Variants in SRPK2 observed in about 807,000 individuals in gnomAD.
The protein encoded by SRPK2 is SRSF protein kinase 2.
A neutral mutation model predicts 90.8 loss-of-function variants in SRPK2; 21 were observed. The observed-to-expected ratio is 0.23, with a 90% confidence interval of 0.16 to 0.33. The LOEUF is 0.33. SRPK2 is among the 10% of genes least tolerant of loss of function. The probability of loss-of-function intolerance (pLI) is 1.00; values close to 1 mark genes in which losing one functional copy is unlikely to be tolerated. For missense variants in SRPK2, 620 were observed against 869.0 expected (o/e 0.71, Z 3.60); for synonymous variants, 288 against 311.1 (o/e 0.93, Z 0.78).
intron 2 of SRPK2, among the ~76,000 whole-genome samples, chr7:105,351,731 G>C (rs953017329): frequency 3.0e-4 from 45 of 151,506 alleles, no homozygotes; most frequent in Middle Eastern, 3.2e-3. Context: ...TTGAACCCGG[G>C]GGGCGGAGGC....
chr7:105,306,031 C>T (rs1387386387), intron 2 of SRPK2, among the ~76,000 whole-genome samples: 1 of 152,174 alleles, frequency 6.6e-6, no homozygotes, highest in Non-Finnish European at 1.5e-5. Context: ...ATGCCTTCAG[C>T]TTAAAACAAC....
At chr7:105,295,744 A>T (rs183584929) in intron 2 of SRPK2, among the ~76,000 whole-genome samples, 1 of 152,358 alleles carries the variant, frequency 6.6e-6, no homozygotes, top group East Asian at 1.9e-4. Context: ...TGCACACTTC[A>T]AAAATGTGGT....
At position 105,157,371 on chromosome 7, in the gene SRPK2, G is replaced by A. The variant is rs995623539; in HGVS notation, c.621+3136C>T. Among the ~76,000 whole-genome samples the A allele has an allele frequency of 2.8e-4, 42 of 152,174 alleles. 1 individual carries two copies. Among genetic ancestry groups the A allele is most frequent in the Admixed American group, 1.4e-3 (22 of 15,270 alleles). On this transcript the variant is annotated intron_variant, in intron 7 of 15. Coordinates refer to ENST00000393651, the MANE Select transcript of SRPK2 (RefSeq NM_182692.3). ...ATTGGTCTGCTCTGGCTTGTTCTGG[G>A]AAATGATATAACTGTGTCAGTCTGC...
chr7:105,292,323 C>T lies in SRPK2; in HGVS notation c.72-88538G>A, dbSNP rs148472047. 8.2e-3 allele frequency among the ~76,000 whole-genome samples: 1,254 copies of T among 152,090 alleles called. 16 individuals are homozygous for T. The highest frequency in any genetic ancestry group is 0.029 in the African/African-American group (1,217 of 41,490). ...AGGAGTTCGAGACCAGCCTGGCCAG[C>T]ATGGCAAAACCCCATCTCTACAAAA... On this transcript the variant is annotated intron_variant, in intron 2 of 15. Coordinates refer to ENST00000393651, the MANE Select transcript of SRPK2 (RefSeq NM_182692.3).
intron 2 of SRPK2, chr7:105,304,344 T>A (rs1366089216): frequency 6.6e-6 from 1 of 152,232 alleles, no homozygotes; most frequent in African/African-American, 2.4e-5. Context: ...CAAAAATTGA[T>A]TCTAACATCA....
rs753113715 is a variant in SRPK2 at position 105,203,776 on chromosome 7, A to G, written c.81T>C (p.Pro27=). Residue 27 remains proline, a synonymous_variant, in exon 3 of 16, where the codon CCT becomes CCC. Coordinates refer to ENST00000393651, the MANE Select transcript of SRPK2 (RefSeq NM_182692.3). The part of the protein sequence containing the change: ...KREKHPKKPE[P]QQKAPLVPPP... ...GAGGAACTAAAGGAGCTTTCTGTTG[A>G]GGCTCCGGCCTGAAAGAGCAGAGAG... 1 of 1,587,134 alleles carries G rather than the reference A, an allele frequency of 6.3e-7. No homozygotes were observed. Among genetic ancestry groups the G allele is most frequent in the South Asian group, 1.1e-5 (1 of 87,772 alleles).
At chr7:105,167,597 A>G in intron 5 of SRPK2, 133 bp from the exon 6 acceptor site, 1 of 501,412 alleles carries the variant, frequency 2.0e-6, no homozygotes, top group Non-Finnish European at 3.4e-6. Context: ...TAAAAAATAA[A>G]CTTTATTTAT....
At chr7:105,349,023 G>A (rs541656885) in intron 2 of SRPK2, among the ~76,000 whole-genome samples, 1 of 151,552 alleles carries the variant, frequency 6.6e-6, no homozygotes, top group Non-Finnish European at 1.5e-5. Context: ...GCGCTTTCCT[G>A]TAATCCTAGC....
chr7:105,199,634 C>G (rs1044809774), intron 3 of SRPK2, among the ~76,000 whole-genome samples: 17 of 151,942 alleles, frequency 1.1e-4, no homozygotes, highest in Non-Finnish European at 2.4e-4. Flanking sequence ...ATGGGAAGAG[C>G]CCAGACTCTT....
intron 3 of SRPK2, among the ~76,000 whole-genome samples, chr7:105,201,110 C>T (rs1429489667): frequency 2.0e-5 from 3 of 152,020 alleles, no homozygotes; most frequent in African/African-American, 4.8e-5. Context: ...TCTCTTTATC[C>T]AAGAACAAAA....
At chr7:105,179,480 A>T (rs181244847) in intron 3 of SRPK2, among the ~76,000 whole-genome samples, 12 of 152,342 alleles carry the variant, frequency 7.9e-5, no homozygotes, top group African/African-American at 2.9e-4. Context: ...TCACTACAGT[A>T]GCCCAAATAG....
Position 105,295,938 on chromosome 7 carries a change from A to G in SRPK2, c.72-92153T>C, listed in dbSNP as rs574008424. Among the ~76,000 whole-genome samples the G allele has an allele frequency of 3.9e-5, 6 of 152,372 alleles. No homozygotes were observed. The South Asian group carries it at 1.2e-3, about 32-fold the overall frequency. ...CAGTATACAGGATATAAACACTGCT[A>G]GCAAATGAGTTCATGGTTTCTTGAA... On this transcript the variant is annotated intron_variant, in intron 2 of 15. Transcript: ENST00000393651.
chr7:105,388,213 G>A lies in SRPK2; in HGVS notation c.71+435C>T, dbSNP rs559308820. Among the ~76,000 whole-genome samples, 14 of 152,048 alleles carry A rather than the reference G, an allele frequency of 9.2e-5. No individual in the cohort carries two copies. In the South Asian group the frequency reaches 2.7e-3, roughly 29 times the overall value. The stretch of plus-strand genomic sequence containing the variant: ...CACACTCGGCCCCTCCGCCTCCTCG[G>A]CCCGCGGCTCAGGTGGGAGCAACGC... On this transcript the variant is annotated intron_variant, in intron 2 of 15. Transcript: ENST00000393651.
chr7:105,128,045 A>C (rs966240241), intron 13 of SRPK2, among the ~76,000 whole-genome samples: 3 of 152,100 alleles, frequency 2.0e-5, no homozygotes, highest in Admixed American at 6.5e-5. Context: ...ATGACCACAC[A>C]GTGCTGGAAA....
chr7:105,248,196 TACTTAA>T (rs1248810561), intron 2 of SRPK2, among the ~76,000 whole-genome samples: 1 of 152,180 alleles, frequency 6.6e-6, no homozygotes, highest in East Asian at 1.9e-4. Context: ...AGGTTGGTAC[TACTTAA>T]AGGAAGCAAA....
chr7:105,210,426 A>G (rs1384119958), intron 2 of SRPK2, among the ~76,000 whole-genome samples: 1 of 152,194 alleles, frequency 6.6e-6, no homozygotes, highest in Non-Finnish European at 1.5e-5. Flanking sequence ...CAGCTTGAGA[A>G]ATACCCAATT....
intron 2 of SRPK2, among the ~76,000 whole-genome samples, chr7:105,343,761 T>C (rs773688809): frequency 4.0e-5 from 6 of 151,798 alleles, no homozygotes; most frequent in Non-Finnish European, 7.4e-5. Flanking sequence ...TCATATCTTT[T>C]TTATTTTTTA....
chr7:105,242,187 C>T (rs1319229752), intron 2 of SRPK2, among the ~76,000 whole-genome samples: 1 of 152,082 alleles, frequency 6.6e-6, no homozygotes, highest in African/African-American at 2.4e-5. Flanking sequence ...TAACATACAT[C>T]CCCTCTTCCT....
chr7:105,272,319 T>TA (rs1185628649), intron 2 of SRPK2, among the ~76,000 whole-genome samples: 1 of 152,246 alleles, frequency 6.6e-6, no homozygotes, highest in Non-Finnish European at 1.5e-5. Context: ...TCTCAGCCTT[T>TA]AATCAATCCT....
Sources: allele counts gnomAD v4.1 joint callset (sites outside exome capture counted in the v4.1 genomes callset), GRCh38; gene constraint gnomAD v4.1.1; transcripts MANE v1.5; gene names NCBI Gene and HGNC (gene_info 2026-07-23, HGNC 2026-07-21).